Variants in KDM2B observed in about 807,000 individuals in gnomAD.
The protein encoded by KDM2B is lysine-specific demethylase 2B.
Under a neutral mutation model 150.0 loss-of-function variants are expected in KDM2B, and 26 were observed. That is an observed-to-expected ratio of 0.17 (90% confidence interval 0.13 to 0.24). The LOEUF (loss-of-function observed/expected upper bound fraction) is 0.24. Ranked by LOEUF, KDM2B falls within the 10% of genes least tolerant of loss-of-function variation. KDM2B has a pLI of 1.00. For missense variants in KDM2B, 1,265 were observed against 1,816.9 expected (o/e 0.70, Z 5.52); for synonymous variants, 734 against 729.5 (o/e 1.01, Z -0.10).
At chr12:121,439,525 GCCGGCCACCAACCC>G (rs1874609200) in intron 22 of KDM2B, among the ~76,000 whole-genome samples, 1 of 151,856 alleles carries the variant, frequency 6.6e-6, no homozygotes, top group Admixed American at 6.6e-5. Flanking sequence ...GATTACAGGC[GCCGGCCACCAACCC>G]CCGGCTAATT....
At chr12:121,418,414 G>A in the KDM2B span, 84,818 of 154,594 alleles carry the variant, frequency 0.55, 23,637 homozygotes, top group East Asian at 0.68. Context: ...TATTGTCCCA[G>A]TGAGGTCCTT....
chr12:121,445,060 G>A, intron 14 of KDM2B: 1 of 548,714 alleles, frequency 1.8e-6, no homozygotes, highest in Non-Finnish European at 3.2e-6. Context: ...ATCCTGGGAG[G>A]TGGGGGTGTG....
At chr12:121,524,523 C>A (rs1366381783) in intron 8 of KDM2B, among the ~76,000 whole-genome samples, 6 of 152,208 alleles carry the variant, frequency 3.9e-5, no homozygotes, top group African/African-American at 7.2e-5. Context: ...CCCTTCGCAG[C>A]CAGGGCCTCA....
intron 6 of KDM2B, among the ~76,000 whole-genome samples, chr12:121,544,975 G>A (rs538034839): frequency 9.2e-5 from 14 of 151,574 alleles, no homozygotes; most frequent in South Asian, 2.1e-4. Context: ...TCCTGGAGCC[G>A]GGTGGGGGAA....
chr12:121,413,350 C>T, the KDM2B span, among the ~76,000 whole-genome samples: 1 of 150,686 alleles, frequency 6.6e-6, no homozygotes, highest in Non-Finnish European at 1.5e-5. Context: ...TTTAAGCACA[C>T]CATGGCTGTA....
At chr12:121,431,537 G>A (rs528765521) in intron 22 of KDM2B, among the ~76,000 whole-genome samples, 22 of 152,154 alleles carry the variant, frequency 1.4e-4, no homozygotes, top group Non-Finnish European at 2.9e-4. Context: ...ATAAAAATAC[G>A]AAGGGCAAAC....
the KDM2B span, chr12:121,417,483 C>T: frequency 6.3e-7 from 1 of 1,595,140 alleles, no homozygotes; most frequent in Non-Finnish European, 8.5e-7. The surrounding 1 kb of genome is among the most constrained non-coding windows in gnomAD (Gnocchi z 5.0). Context: ...TTGCTGTCAT[C>T]AAATGCTTTT....
chr12:121,560,730 T>G (rs938544458), intron 4 of KDM2B, among the ~76,000 whole-genome samples: 18 of 152,168 alleles, frequency 1.2e-4, no homozygotes, highest in African/African-American at 4.1e-4. Context: ...CCTCCCGGTC[T>G]GATCTGCCAC....
At position 121,520,991 on chromosome 12, in the gene KDM2B, C is replaced by G; in HGVS notation, c.1041G>C (p.Arg347Ser). Residue 347 changes from arginine (R) to serine (S), a missense_variant, in exon 9 of 23, where the codon AGG becomes AGC. Around this residue, in one of 11 missense-constraint regions of KDM2B, gnomAD observed 214 missense variants for 447.4 expected, o/e 0.48. Coordinates refer to ENST00000377071, the MANE Select transcript of KDM2B (RefSeq NM_032590.5). The surrounding 1 kb of genome is among the most constrained non-coding windows in gnomAD (Gnocchi z 4.5). ...MQLRIYEIED[R>S]TRVQPKFRYP... ...CAGAAGGGAACCTCCTTACCCGCGT[C>G]CTGTCCTCGATCTCGTAGATCCGCA... 1 of 1,613,632 alleles carries G rather than the reference C, an allele frequency of 6.2e-7. No individual in the cohort carries two copies. The highest frequency in any genetic ancestry group is 8.5e-7 in the Non-Finnish European group (1 of 1,179,628).
chr12:121,418,284 T>G, the KDM2B span: 1 of 182,766 alleles, frequency 5.5e-6, no homozygotes, highest in Non-Finnish European at 1.1e-5. Context: ...AAACAATCAG[T>G]AGTGTAAGTT....
At chr12:121,426,484 C>T (rs1280378560), downstream of KDM2B, among the ~76,000 whole-genome samples, 1 of 138,912 alleles carries the variant, frequency 7.2e-6, no homozygotes, top group Non-Finnish European at 1.5e-5. Flanking sequence ...CTTGCTGTTG[C>T]CCACCCAGGC....
chr12:121,569,985 G>T (rs1170645843), intron 4 of KDM2B, among the ~76,000 whole-genome samples: 1 of 151,936 alleles, frequency 6.6e-6, no homozygotes, highest in Non-Finnish European at 1.5e-5. Context: ...GAGGAGCTGG[G>T]ACTACCGAGG....
At chr12:121,416,245 A>G in the KDM2B span, 1 of 1,614,100 alleles carries the variant, frequency 6.2e-7, no homozygotes, top group Non-Finnish European at 8.5e-7. Flanking sequence ...AGCAGTCAGC[A>G]TTTGCAGGAG....
In KDM2B at chr12:121,520,024, C is replaced by G. The variant is rs1232216616; in HGVS notation, c.1047+961G>C. 6.6e-6 allele frequency among the ~76,000 whole-genome samples: 1 copy of G among 152,178 alleles called. No homozygotes were observed. The highest frequency in any genetic ancestry group is 1.5e-5 in the Non-Finnish European group (1 of 68,042). On this transcript the variant is annotated intron_variant, in intron 9 of 22. Transcript: ENST00000377071. The surrounding 1 kb of genome is among the most constrained non-coding windows in gnomAD (Gnocchi z 4.5). ...CCTCCCACCACAGCCTCTCAAGTAG[C>G]TGGGACTACAGGCGTACACCACCAC...
chr12:121,579,765 AG>A (rs1279189702), intron 1 of KDM2B: 1 of 1,222,780 alleles, frequency 8.2e-7, no homozygotes, highest in Non-Finnish European at 1.1e-6. Flanking sequence ...GAGCCCGCTC[AG>A]CCCCCCTCCA....
the KDM2B span, among the ~76,000 whole-genome samples, chr12:121,414,628 A>G: frequency 1.3e-5 from 2 of 152,204 alleles, no homozygotes; most frequent in African/African-American, 2.4e-5. Context: ...AATTATGTTT[A>G]GTATCTTCAG....
chr12:121,500,352 G>C (rs551028287), intron 11 of KDM2B, among the ~76,000 whole-genome samples: 9 of 152,280 alleles, frequency 5.9e-5, no homozygotes, highest in Admixed American at 1.3e-4. Context: ...GCAGGTTTTC[G>C]AAGAGAAAGA....
chr12:121,446,241 AAAAG>A (rs1379030797), intron 13 of KDM2B, among the ~76,000 whole-genome samples: 2 of 152,184 alleles, frequency 1.3e-5, no homozygotes, highest in East Asian at 3.9e-4. Context: ...TAAAAATACA[AAAAG>A]AAATTAGCCG....
intron 6 of KDM2B, 124 bp from the exon 7 acceptor site, chr12:121,534,714 T>A: frequency 1.5e-6 from 1 of 671,084 alleles, no homozygotes; most frequent in Non-Finnish European, 2.6e-6. Flanking sequence ...GAATTTTCTT[T>A]TTTTCTTCTT....
Sources: gnomAD v4.1 joint callset for allele counts (sites outside exome capture counted in the v4.1 genomes callset) on GRCh38, gnomAD v4.1.1 for gene constraint, gnomAD v4.1.1 regional missense constraint, Gnocchi (gnomAD v3.1) non-coding constraint, MANE v1.5 for transcripts, NCBI Gene and HGNC (gene_info 2026-07-23, HGNC 2026-07-21) for gene names.